Variants in SLC36A1 observed in about 807,000 individuals in gnomAD.
The protein encoded by SLC36A1 is proton-coupled amino acid transporter 1.
In SLC36A1, 30 loss-of-function variants were observed where a neutral mutation model predicts 47.5. The ratio of observed to expected loss-of-function variants is 0.63; its 90% CI spans 0.47 to 0.86. SLC36A1 has a LOEUF of 0.86. Among genes scored for constraint, SLC36A1 ranks in the 40% least tolerant of loss-of-function variants. The probability of loss-of-function intolerance (pLI) is 0.00; values close to 1 mark genes in which losing one functional copy is unlikely to be tolerated. For synonymous variants in SLC36A1, 255 were observed against 249.7 expected, an observed-to-expected ratio of 1.02 and a Z score of -0.20; for missense variants, 517 against 606.0, an observed-to-expected ratio of 0.85 and a Z score of 1.54.
chr5:151,526,822 T>TA, the SLC36A1 span, among the ~76,000 whole-genome samples: 1 of 152,144 alleles, frequency 6.6e-6, no homozygotes, highest in African/African-American at 2.4e-5. Context: ...CCCTGAAAAT[T>TA]ACTCATAGAA....
chr5:151,479,140 T>TG (rs1758472875), intron 9 of SLC36A1, among the ~76,000 whole-genome samples, 180 bp from the exon 10 acceptor site: 1 of 152,222 alleles, frequency 6.6e-6, no homozygotes, highest in Admixed American at 6.5e-5. Context: ...AGCTTTTGTG[T>TG]ATGTGTGTGA....
upstream of SLC36A1, among the ~76,000 whole-genome samples, chr5:151,446,495 A>G (rs554420223): frequency 3.3e-5 from 5 of 152,222 alleles, no homozygotes; most frequent in East Asian, 9.6e-4. Context: ...GCACCACTGC[A>G]CTCCAGATGG....
upstream of SLC36A1, among the ~76,000 whole-genome samples, chr5:151,434,846 T>C (rs939450640): frequency 2.6e-5 from 4 of 152,180 alleles, no homozygotes; most frequent in Admixed American, 6.5e-5. Flanking sequence ...GCTGGCAACT[T>C]GATCTTGGAC....
At chr5:151,542,618 A>G in the SLC36A1 span, 1 of 1,614,222 alleles carries the variant, frequency 6.2e-7, no homozygotes, top group Non-Finnish European at 8.5e-7. Flanking sequence ...GGGTCTGCAG[A>G]CAGCCTGTAG....
chr5:151,475,455 A>G (rs1444143000), intron 8 of SLC36A1, among the ~76,000 whole-genome samples: 1 of 152,178 alleles, frequency 6.6e-6, no homozygotes, highest in East Asian at 1.9e-4. Flanking sequence ...ATTGACTCTT[A>G]GTTTTGGATC....
At chr5:151,518,197 CATGGTGCCTCA>C in the SLC36A1 span, among the ~76,000 whole-genome samples, 2 of 151,814 alleles carry the variant, frequency 1.3e-5, no homozygotes, top group Admixed American at 6.6e-5. Flanking sequence ...AATAGCCAGG[CATGGTGCCTCA>C]TGCCTGTAAC....
chr5:151,517,128 A>G, the SLC36A1 span, among the ~76,000 whole-genome samples: 1 of 152,128 alleles, frequency 6.6e-6, no homozygotes, highest in Non-Finnish European at 1.5e-5. Flanking sequence ...AAAAGAAAAA[A>G]GAAATGGTAG....
the SLC36A1 span, among the ~76,000 whole-genome samples, chr5:151,417,743 A>G: frequency 6.6e-6 from 1 of 152,272 alleles, no homozygotes; most frequent in Admixed American, 6.5e-5. Flanking sequence ...ACAATGCAAT[A>G]GAAAAGAATA....
chr5:151,472,045 G>A (rs142603911), intron 7 of SLC36A1, among the ~76,000 whole-genome samples: 8 of 152,276 alleles, frequency 5.3e-5, no homozygotes, highest in African/African-American at 1.4e-4. Context: ...GGAGGATTTT[G>A]TGACTATACC....
the SLC36A1 span, among the ~76,000 whole-genome samples, chr5:151,396,499 A>G: frequency 6.6e-6 from 1 of 152,226 alleles, no homozygotes; most frequent in Non-Finnish European, 1.5e-5. Flanking sequence ...TATAAATTAG[A>G]TCAAGAATGT....
At chr5:151,404,330 GA>G in the SLC36A1 span, among the ~76,000 whole-genome samples, 1 of 152,136 alleles carries the variant, frequency 6.6e-6, no homozygotes, top group Non-Finnish European at 1.5e-5. Context: ...TGGGTCTCTT[GA>G]AAACAGTAGA....
At chr5:151,353,370 C>T in the SLC36A1 span, among the ~76,000 whole-genome samples, 1 of 152,150 alleles carries the variant, frequency 6.6e-6, no homozygotes, top group Non-Finnish European at 1.5e-5. Context: ...TAGAGATTGT[C>T]TACCAAAACC....
the SLC36A1 span, among the ~76,000 whole-genome samples, chr5:151,520,504 T>A: frequency 6.6e-6 from 1 of 152,134 alleles, no homozygotes; most frequent in East Asian, 1.9e-4. Flanking sequence ...CTACACAGAG[T>A]GTGGCGTACA....
At chr5:151,515,886 C>G in the SLC36A1 span, among the ~76,000 whole-genome samples, 3 of 152,340 alleles carry the variant, frequency 2.0e-5, no homozygotes, top group Admixed American at 1.3e-4. Context: ...TCAAAACCTT[C>G]TAATGCCTCC....
intron 10 of SLC36A1, among the ~76,000 whole-genome samples, chr5:151,481,370 G>A (rs955178466): frequency 1.3e-5 from 2 of 152,216 alleles, no homozygotes; most frequent in Admixed American, 1.3e-4. Flanking sequence ...TGAAGTAATT[G>A]TGGGACTCAG....
the SLC36A1 span, chr5:151,550,603 G>A: frequency 6.2e-7 from 1 of 1,614,002 alleles, no homozygotes; most frequent in African/African-American, 1.3e-5. Context: ...GACTGTCAGT[G>A]TGTGCTGGGA....
chr5:151,365,453 T>A, the SLC36A1 span, among the ~76,000 whole-genome samples: 1 of 152,042 alleles, frequency 6.6e-6, no homozygotes, highest in Non-Finnish European at 1.5e-5. Context: ...GGAGACAAAG[T>A]CACAATTGGC....
At chr5:151,473,879 G>T in intron 8 of SLC36A1, 108 bp downstream of exon 8, 1 of 904,410 alleles carries the variant, frequency 1.1e-6, no homozygotes, top group Non-Finnish European at 1.8e-6. Context: ...ATCTTCTGAG[G>T]CCAGGCATGG....
intron 8 of SLC36A1, among the ~76,000 whole-genome samples, chr5:151,475,506 A>G (rs1035877838): frequency 6.6e-6 from 1 of 152,226 alleles, no homozygotes; most frequent in Non-Finnish European, 1.5e-5. Flanking sequence ...GCCAGGCTGC[A>G]CACTGTATTC....
Sources: gnomAD v4.1 joint callset for allele counts (sites outside exome capture counted in the v4.1 genomes callset) on GRCh38, gnomAD v4.1.1 for gene constraint, MANE v1.5 for transcripts, NCBI Gene and HGNC (gene_info 2026-07-23, HGNC 2026-07-21) for gene names.